WWOX: variants seen among roughly 807,000 people sequenced by gnomAD.
WWOX encodes WW domain containing oxidoreductase, also known as WW domain-containing oxidoreductase.
WWOX carries 69 observed loss-of-function variants against 46.2 expected under a neutral mutation model. That is an observed-to-expected ratio of 1.49 (90% confidence interval 1.23 to 1.82). WWOX has a LOEUF of 1.82. Among genes scored for constraint, WWOX ranks in the 40% most tolerant of loss-of-function variants. The pLI is 0.00. For missense variants in WWOX, 919 were observed against 542.6 expected (o/e 1.69, Z -6.89); for synonymous variants, 359 against 202.6 (o/e 1.77, Z -6.56).
At chr16:78,757,005 C>T (rs1469389276) in intron 8 of WWOX, 2 of 702,762 alleles carry the variant, frequency 2.8e-6, no homozygotes, top group Non-Finnish European at 5.2e-6. Flanking sequence ...GAGCCTCCTG[C>T]CAACAGCCAT....
chr16:78,829,846 G>C (rs1012725937), intron 8 of WWOX, among the ~76,000 whole-genome samples: 27 of 152,116 alleles, frequency 1.8e-4, no homozygotes, highest in Admixed American at 1.6e-3. Flanking sequence ...ATTTTTCTTT[G>C]AGTAGTTTTA....
At chr16:78,736,914 T>C (rs1489805178) in intron 8 of WWOX, among the ~76,000 whole-genome samples, 1 of 152,108 alleles carries the variant, frequency 6.6e-6, no homozygotes, top group Non-Finnish European at 1.5e-5. Flanking sequence ...CGGCCCACAA[T>C]GGTTTTCATA....
intron 5 of WWOX, among the ~76,000 whole-genome samples, chr16:78,218,667 G>C (rs150844245): frequency 6.6e-6 from 1 of 152,184 alleles, no homozygotes; most frequent in South Asian, 2.1e-4. Context: ...ATGATGTGTA[G>C]CGTGGTCTCC....
chr16:78,908,738 C>T (rs548030341), intron 8 of WWOX, among the ~76,000 whole-genome samples: 2 of 152,084 alleles, frequency 1.3e-5, no homozygotes, highest in Non-Finnish European at 2.9e-5. Context: ...TGGCCTCTTG[C>T]ACTGAGTCAG....
chr16:78,831,319 A>C (rs952473818), intron 8 of WWOX, among the ~76,000 whole-genome samples: 1 of 152,208 alleles, frequency 6.6e-6, no homozygotes, highest in Non-Finnish European at 1.5e-5. Context: ...TATCCCCTGA[A>C]GTAGCCCCTG....
Position 78,623,424 on chromosome 16 carries a change from C to G in WWOX, c.1056+190672C>G, listed in dbSNP as rs995974408. ...GCCAGACACGGTGGCTCATGCCTGT[C>G]ATTCCAGCACTTTGGGAGACCAAGG... is the stretch of plus-strand genomic sequence containing the variant. On this transcript the variant is annotated intron_variant, in intron 8 of 8. Transcript: ENST00000566780. Among the ~76,000 whole-genome samples the G allele has an allele frequency of 3.9e-5, 6 of 152,192 alleles. No individual in the cohort carries two copies. In the East Asian group the frequency reaches 1.2e-3, roughly 29 times the overall value.
intron 8 of WWOX, among the ~76,000 whole-genome samples, chr16:78,841,430 C>G (rs2052146827): frequency 6.6e-6 from 1 of 152,294 alleles, no homozygotes; most frequent in South Asian, 2.1e-4. Flanking sequence ...GATTCAGTGA[C>G]ATCGTGTTGG....
chr16:78,699,363 T>C (rs1168402626), intron 8 of WWOX, among the ~76,000 whole-genome samples: 1 of 136,570 alleles, frequency 7.3e-6, no homozygotes, highest in African/African-American at 3.5e-5. Flanking sequence ...GCCGTGTTTC[T>C]ACAAAAAATA....
At chr16:78,708,288 A>G (rs2048367824) in intron 8 of WWOX, among the ~76,000 whole-genome samples, 1 of 152,208 alleles carries the variant, frequency 6.6e-6, no homozygotes, top group African/African-American at 2.4e-5. Flanking sequence ...TATTTGGAGC[A>G]TATACTCTAA....
chr16:78,327,975 C>G (rs2080668148), intron 5 of WWOX, among the ~76,000 whole-genome samples: 1 of 145,178 alleles, frequency 6.9e-6, no homozygotes, highest in East Asian at 2.1e-4. Context: ...CTTCTGGGCT[C>G]AAGCCAGCCG....
chr16:78,816,020 C>A (rs532157285), intron 8 of WWOX, among the ~76,000 whole-genome samples: 1 of 152,180 alleles, frequency 6.6e-6, no homozygotes, highest in Non-Finnish European at 1.5e-5. Flanking sequence ...AACTGTAAGG[C>A]CAAGTGGTCA....
At chr16:78,712,080 T>C (rs964334240) in intron 8 of WWOX, among the ~76,000 whole-genome samples, 4 of 152,194 alleles carry the variant, frequency 2.6e-5, no homozygotes, top group Non-Finnish European at 5.9e-5. Flanking sequence ...ATAGATGTCT[T>C]ATATCCATTC....
intron 8 of WWOX, among the ~76,000 whole-genome samples, chr16:79,083,297 A>T (rs1433804809): frequency 6.6e-6 from 1 of 152,144 alleles, no homozygotes; most frequent in Non-Finnish European, 1.5e-5. Context: ...AAATATTAAG[A>T]GCCAGTGTGT....
chr16:79,133,820 A>G (rs1490310213), intron 8 of WWOX, among the ~76,000 whole-genome samples: 2 of 152,212 alleles, frequency 1.3e-5, no homozygotes, highest in Admixed American at 6.5e-5. Flanking sequence ...ATGAAATGAC[A>G]TTGGTCAATC....
chr16:78,152,584 G>A (rs1204847214), intron 4 of WWOX, among the ~76,000 whole-genome samples: 1 of 152,136 alleles, frequency 6.6e-6, no homozygotes, highest in Non-Finnish European at 1.5e-5. Flanking sequence ...AGTTACCCTT[G>A]TAGAATCTGT....
chr16:78,693,079 T>A (rs1272632533), intron 8 of WWOX, among the ~76,000 whole-genome samples: 1 of 152,214 alleles, frequency 6.6e-6, no homozygotes, highest in Non-Finnish European at 1.5e-5. Context: ...CAGCAACCTT[T>A]TAGATCTCTT....
At chr16:78,541,550 A>G (rs1213811789) in intron 8 of WWOX, among the ~76,000 whole-genome samples, 1 of 150,980 alleles carries the variant, frequency 6.6e-6, no homozygotes, top group Non-Finnish European at 1.5e-5. Context: ...ACACTGAGAT[A>G]TCTACAGTGC....
chr16:78,235,772 CAA>C (rs1465394587), intron 5 of WWOX, among the ~76,000 whole-genome samples: 32 of 152,222 alleles, frequency 2.1e-4, no homozygotes, highest in African/African-American at 7.7e-4. Flanking sequence ...ACTAGATGGT[CAA>C]GGTGATTGGG....
intron 4 of WWOX, among the ~76,000 whole-genome samples, chr16:78,151,858 C>G (rs112694176): frequency 2.0e-5 from 3 of 152,156 alleles, no homozygotes; most frequent in Non-Finnish European, 2.9e-5. Flanking sequence ...TTGTGTCTTA[C>G]GTGCACGCTG....
Sources: gnomAD v4.1 joint callset for allele counts (sites outside exome capture counted in the v4.1 genomes callset) on GRCh38, gnomAD v4.1.1 for gene constraint, MANE v1.5 for transcripts, NCBI Gene and HGNC (gene_info 2026-07-23, HGNC 2026-07-21) for gene names.